RET: variants seen among roughly 807,000 people sequenced by gnomAD.
RET encodes ret proto-oncogene.
In RET, 19 loss-of-function variants were observed where a neutral mutation model predicts 118.3. The observed-to-expected ratio is 0.16, with a 90% CI of 0.11 to 0.24. The LOEUF (loss-of-function observed/expected upper bound fraction) is 0.24, where lower values mean the gene tolerates loss of function less well. Ranked by LOEUF, RET falls within the 10% of genes least tolerant of loss-of-function variation. RET has a pLI of 1.00. For missense variants in RET, 1,219 were observed against 1,502.1 expected (o/e 0.81, Z 3.12); for synonymous variants, 597 against 644.1 (o/e 0.93, Z 1.11).
chr10:43,124,939 C>A lies in RET; in HGVS notation c.2996C>A (p.Ala999Glu), dbSNP rs748288493. 1 of 1,614,178 alleles carries A rather than the reference C, an allele frequency of 6.2e-7. No homozygotes were observed. The highest frequency in any genetic ancestry group is 8.5e-7 in the Non-Finnish European group (1 of 1,180,038). ...GAGCCGGACAAAAGGCCGGTGTTTG[C>A]GGACATCAGCAAAGACCTGGAGAAG... ...KQEPDKRPVF[A>E]DISKDLEKMM... The change falls in exon 18 of 20, where the codon GCG becomes GAG. Residue 999 changes from alanine (A) to glutamate (E), a missense_variant. Ala to Glu is a moderately radical substitution (Grantham distance 107). Coordinates refer to ENST00000355710, the MANE Select transcript of RET (RefSeq NM_020975.6).
At chr10:43,094,519 A>G (rs1474001524) in intron 1 of RET, among the ~76,000 whole-genome samples, 1 of 152,070 alleles carries the variant, frequency 6.6e-6, no homozygotes, top group African/African-American at 2.4e-5. Flanking sequence ...GAAGTTTTTC[A>G]TGGTCTGGAG....
chr10:43,112,605 C>A (rs553331958), intron 8 of RET, among the ~76,000 whole-genome samples: 2 of 152,354 alleles, frequency 1.3e-5, no homozygotes, highest in East Asian at 3.9e-4. Context: ...GGGGCCCTCA[C>A]CATGCAGCCC....
chr10:43,085,628 A>G (rs1426721062), intron 1 of RET, among the ~76,000 whole-genome samples: 1 of 152,088 alleles, frequency 6.6e-6, no homozygotes, highest in Non-Finnish European at 1.5e-5. Context: ...GAGCTTACAC[A>G]TCAGTGCAAA....
chr10:43,078,547 A>G (rs566972943), intron 1 of RET, among the ~76,000 whole-genome samples: 1 of 152,318 alleles, frequency 6.6e-6, no homozygotes, highest in South Asian at 2.1e-4. Flanking sequence ...GAGTGTTAGG[A>G]CTTTGGGGTC....
chr10:43,082,418 C>T (rs1209519433), intron 1 of RET, among the ~76,000 whole-genome samples: 1 of 152,232 alleles, frequency 6.6e-6, no homozygotes, highest in Non-Finnish European at 1.5e-5. Context: ...CACCGCTGCA[C>T]CTGGACAGGT....
Position 43,077,114 on chromosome 10 carries a change from G to C in RET, c.-145G>C. 3 of 1,194,546 alleles carry C rather than the reference G, an allele frequency of 2.5e-6. No individual in the cohort carries two copies. Among genetic ancestry groups the C allele is most frequent in the Non-Finnish European group, 3.2e-6 (3 of 933,618 alleles). The allele number at this position is 1,194,546 out of a possible 1,614,324, so 74.0% of individuals were successfully genotyped here. On this transcript the variant is annotated 5_prime_UTR_variant, in exon 1 of 20. Transcript: ENST00000355710. ...GCGCGCAGCAGCGCTGAGTGCCCCG[G>C]AACGTGCGTCGCGCCCCCAGTGTCC...
intron 16 of RET, among the ~76,000 whole-genome samples, chr10:43,123,047 C>A (rs144845088): frequency 6.6e-6 from 1 of 152,314 alleles, no homozygotes. Flanking sequence ...TGGACCACAC[C>A]GCCCAGTGAC....
intron 1 of RET, among the ~76,000 whole-genome samples, chr10:43,092,767 C>G (rs1036340224): frequency 1.3e-5 from 2 of 152,196 alleles, no homozygotes; most frequent in Non-Finnish European, 2.9e-5. Context: ...TTGTCCTCAG[C>G]CTCAGGCTTG....
In RET at chr10:43,105,128, T is replaced by G; in HGVS notation, c.802T>G (p.Ser268Ala). 6.2e-7 allele frequency: 1 copy of G among 1,612,492 alleles called. No homozygotes were observed. Among genetic ancestry groups the G allele is most frequent in the Non-Finnish European group, 8.5e-7 (1 of 1,179,774 alleles). ...FPVTVYDEDD[S>A]APTFPAGVDT... Reference sequence around the variant, plus strand: ...GGTGACCGTGTACGACGAGGACGACTCGGCGCCCACCTTCCCCGCGGGCGT... The same window carrying G: ...GGTGACCGTGTACGACGAGGACGACGCGGCGCCCACCTTCCCCGCGGGCGT... Residue 268 changes from serine to alanine, a missense_variant, in exon 4 of 20, where the codon TCG becomes GCG. Physicochemically the swap from Ser to Ala is moderately conservative, Grantham distance 99. Coordinates refer to ENST00000355710, the MANE Select transcript of RET (RefSeq NM_020975.6).
Position 43,087,850 on chromosome 10 carries a change from G to T in RET, c.73+10519G>T, listed in dbSNP as rs117393395. Among the ~76,000 whole-genome samples, 98 of 152,378 alleles carry T rather than the reference G, an allele frequency of 6.4e-4. No individual in the cohort carries two copies. In the East Asian group the frequency reaches 0.018, roughly 27 times the overall value. On this transcript the variant is annotated intron_variant, in intron 1 of 19. Coordinates refer to ENST00000355710, the MANE Select transcript of RET (RefSeq NM_020975.6). ...TGCTTTCATTTGGAAGTCTCAGGAT[G>T]CCAGCAAAGTGATGAGAGTGGTAGG...
Position 43,114,507 on chromosome 10 carries a change from C to G in RET, c.1907C>G (p.Thr636Arg), listed in dbSNP as rs1035958105. ...CCACTGTGCGACGAGCTGTGCCGCA[C>G]GGTGATCGCAGCCGCTGTCCTCTTC... is the stretch of plus-strand genomic sequence containing the variant. ...QDPLCDELCR[T>R]VIAAAVLFSF... The change falls in exon 11 of 20, where the codon ACG (threonine) becomes AGG (arginine). Residue 636 changes from threonine to arginine, a missense_variant. Transcript: ENST00000355710. The surrounding 1 kb of genome is among the most constrained non-coding windows in gnomAD (Gnocchi z 4.6). The G allele has an allele frequency of 6.2e-7, 1 of 1,608,332 alleles. No individual in the cohort carries two copies. Among genetic ancestry groups the G allele is most frequent in the East Asian group, 2.2e-5 (1 of 44,846 alleles).
At chr10:43,078,367 T>A (rs1360898512) in intron 1 of RET, among the ~76,000 whole-genome samples, 1 of 152,226 alleles carries the variant, frequency 6.6e-6, no homozygotes. Context: ...GAAGCCATGG[T>A]CAGTCACCCT....
Position 43,106,351 on chromosome 10 carries a change from G to T in RET, c.868-25G>T. The stretch of plus-strand genomic sequence containing the variant: ...CTGAGGGGCCCATCTCGCCTGCACT[G>T]ACCAACGCCCTCTGCATCCTGCAGG... On this transcript the variant is annotated intron_variant, in intron 4 of 19. Coordinates refer to ENST00000355710, the MANE Select transcript of RET (RefSeq NM_020975.6). The surrounding 1 kb of genome is among the most constrained non-coding windows in gnomAD (Gnocchi z 5.1). The T allele has an allele frequency of 1.2e-6, 2 of 1,604,402 alleles. No individual in the cohort carries two copies. The highest frequency in any genetic ancestry group is 2.2e-5 in the South Asian group (2 of 90,840).
At chr10:43,105,666 C>A (rs966776679) in intron 4 of RET, among the ~76,000 whole-genome samples, 1 of 152,192 alleles carries the variant, frequency 6.6e-6, no homozygotes, top group African/African-American at 2.4e-5. Flanking sequence ...CCTGCTGGGC[C>A]TCGGCCTTCC....
rs2132857526 is a variant in RET, at chr10:43,114,821, C to T, written c.2136+85C>T. On this transcript the variant is annotated intron_variant, in intron 11 of 19. Transcript: ENST00000355710. The surrounding 1 kb of genome is among the most constrained non-coding windows in gnomAD (Gnocchi z 4.6). ...GGAGGCCAGCTGGGGAGACAGAGGC[C>T]ATCCTGTGAGGGGCTGCCAACGCTG... 1.4e-6 allele frequency: 2 copies of T among 1,447,404 alleles called. No individual in the cohort carries two copies. Among genetic ancestry groups the T allele is most frequent in the South Asian group, 1.3e-5 (1 of 78,956 alleles). 89.7% of individuals were successfully genotyped at this position (1,447,404 alleles called of 1,614,324 possible). A position where few individuals can be genotyped will look rare whatever the true frequency, so the allele number is the denominator to read the frequency against.
At chr10:43,101,983 C>T (rs1012532138) in intron 2 of RET, among the ~76,000 whole-genome samples, 2 of 150,340 alleles carry the variant, frequency 1.3e-5, no homozygotes, top group Non-Finnish European at 3.0e-5. Context: ...TCTGCGGCCA[C>T]TCCAAACCTC....
Position 43,123,805 on chromosome 10 carries a change from A to G in RET, c.2936A>G (p.Glu979Gly), listed in dbSNP as rs752352085. 2.5e-6 allele frequency: 4 copies of G among 1,614,028 alleles called. No individual in the cohort carries two copies. The highest frequency in any genetic ancestry group is 3.4e-6 in the Non-Finnish European group (4 of 1,180,022). The change falls in exon 17 of 20, where the codon GAG becomes GGG. Residue 979 changes from glutamate to glycine, a missense_variant. Coordinates refer to ENST00000355710, the MANE Select transcript of RET (RefSeq NM_020975.6). ...GAGAGGCCAGACAACTGCAGCGAGG[A>G]GATGTGAGCGGGGACTGGCTTTGGC... ...RMERPDNCSE[E>G]MYRLMLQCWK...
At chr10:43,095,183 G>A (rs894360096) in intron 1 of RET, among the ~76,000 whole-genome samples, 9 of 152,140 alleles carry the variant, frequency 5.9e-5, no homozygotes, top group South Asian at 2.1e-4. Context: ...CTTAGGGCAC[G>A]GGAGCTGAGG....
At chr10:43,087,991 T>C (rs1414113008) in intron 1 of RET, among the ~76,000 whole-genome samples, 3 of 152,076 alleles carry the variant, frequency 2.0e-5, no homozygotes, top group African/African-American at 7.2e-5. Flanking sequence ...ATGGTTGTGG[T>C]GGAGGTGATG....
Sources: allele counts gnomAD v4.1 joint callset (sites outside exome capture counted in the v4.1 genomes callset), GRCh38; gene constraint gnomAD v4.1.1; non-coding constraint Gnocchi (gnomAD v3.1); transcripts MANE v1.5; gene names NCBI Gene and HGNC (gene_info 2026-07-23, HGNC 2026-07-21).